Variants in RBFOX2 observed in about 807,000 individuals in gnomAD.
RBFOX2 encodes the protein RNA binding fox-1 homolog 2, also known as RNA binding protein fox-1 homolog 2.
In RBFOX2, 10 loss-of-function variants were observed where a neutral mutation model predicts 49.1. That is an observed-to-expected ratio of 0.20 (90% CI 0.13 to 0.35). RBFOX2 has a LOEUF of 0.35. Ranked by LOEUF, RBFOX2 falls within the 10% of genes least tolerant of loss-of-function variation. The probability of loss-of-function intolerance (pLI) is 1.00; values close to 1 mark genes in which losing one functional copy is unlikely to be tolerated. For synonymous variants in RBFOX2, 183 were observed against 187.4 expected, an observed-to-expected ratio of 0.98 and a Z score of 0.19; for missense variants, 323 against 486.9, an observed-to-expected ratio of 0.66 and a Z score of 3.17.
chr22:35,790,957 A>G (rs1947472198), intron 2 of RBFOX2, among the ~76,000 whole-genome samples: 1 of 152,042 alleles, frequency 6.6e-6, no homozygotes, highest in Non-Finnish European at 1.5e-5. Flanking sequence ...GCAGTGAGCT[A>G]TGATCATATC....
In RBFOX2 at chr22:35,795,007, G is replaced by C. The variant is rs371786524; in HGVS notation, c.253-13261C>G. Among the ~76,000 whole-genome samples, 4 of 152,042 alleles carry C rather than the reference G, an allele frequency of 2.6e-5. No individual in the cohort carries two copies. The East Asian group carries it at 7.7e-4, about 29-fold the overall frequency. ...TGTCTTGAGTCTTATATGATCCAAAGGGCAATTTTCTCTATTCAAAAATAC... is the reference window on the plus strand; with the variant it reads ...TGTCTTGAGTCTTATATGATCCAAACGGCAATTTTCTCTATTCAAAAATAC... On this transcript the variant is annotated intron_variant, in intron 2 of 11. Transcript: ENST00000405409.
chr22:35,942,754 C>T (rs917874683), upstream of RBFOX2, among the ~76,000 whole-genome samples: 8 of 150,526 alleles, frequency 5.3e-5, no homozygotes, highest in African/African-American at 1.5e-4. Flanking sequence ...CTAAATGCAT[C>T]GAAAATATAA....
intron 9 of RBFOX2, among the ~76,000 whole-genome samples, chr22:35,754,354 G>A (rs1936207520): frequency 6.6e-6 from 1 of 152,048 alleles, no homozygotes; most frequent in African/African-American, 2.4e-5. Flanking sequence ...GCCTCCCAAA[G>A]TGCTGGGATT....
intron 1 of RBFOX2, among the ~76,000 whole-genome samples, chr22:35,860,008 C>T (rs992592636): frequency 6.6e-6 from 1 of 152,170 alleles, no homozygotes; most frequent in Admixed American, 6.5e-5. Context: ...TTATCTTATA[C>T]AACAAAACTT....
At chr22:35,960,806 T>C (rs570371506) in intron 1 of RBFOX2, among the ~76,000 whole-genome samples, 1 of 152,134 alleles carries the variant, frequency 6.6e-6, no homozygotes, top group East Asian at 1.9e-4. Flanking sequence ...AAAAATTCAG[T>C]GTTAGGTATT....
intron 1 of RBFOX2, among the ~76,000 whole-genome samples, chr22:35,872,718 C>T (rs1229592419): frequency 6.6e-6 from 1 of 152,214 alleles, no homozygotes; most frequent in East Asian, 1.9e-4. Context: ...GTCCTCCCAC[C>T]ATCCAGCTGC....
intron 1 of RBFOX2, among the ~76,000 whole-genome samples, chr22:35,937,647 A>G (rs1308471604): frequency 6.6e-6 from 1 of 152,142 alleles, no homozygotes; most frequent in Non-Finnish European, 1.5e-5. Context: ...CTGGAATGCA[A>G]TGGTGTAGTC....
intron 1 of RBFOX2, among the ~76,000 whole-genome samples, chr22:35,850,244 C>T (rs1046572807): frequency 6.3e-5 from 9 of 143,726 alleles, no homozygotes; most frequent in African/African-American, 2.3e-4. Flanking sequence ...ACCCTTCTCA[C>T]TGTCTCCGGC....
At chr22:35,841,342 G>A (rs868410303), upstream of RBFOX2, among the ~76,000 whole-genome samples, 1 of 152,066 alleles carries the variant, frequency 6.6e-6, no homozygotes, top group African/African-American at 2.4e-5. Context: ...GGAGAATACT[G>A]ACAATAAGAG....
chr22:35,913,514 T>A (rs557992143), intron 1 of RBFOX2, among the ~76,000 whole-genome samples: 1 of 151,172 alleles, frequency 6.6e-6, no homozygotes, highest in South Asian at 2.1e-4. Flanking sequence ...TGTATACATA[T>A]ATAATTATAT....
At chr22:35,967,390 TAA>T (rs74267838) in intron 1 of RBFOX2, among the ~76,000 whole-genome samples, 1 of 113,560 alleles carries the variant, frequency 8.8e-6, no homozygotes, top group Admixed American at 8.6e-5. Flanking sequence ...AATAAAAAAT[TAA>T]AAAAAAAAAA....
At chr22:35,949,041 A>G (rs1203602629) in intron 1 of RBFOX2, among the ~76,000 whole-genome samples, 3 of 152,136 alleles carry the variant, frequency 2.0e-5, no homozygotes, top group African/African-American at 2.4e-5. Context: ...TACTTTAAGT[A>G]CCTCACGTGA....
At chr22:35,873,637 TTG>T (rs1237916096) in intron 1 of RBFOX2, among the ~76,000 whole-genome samples, 1 of 152,186 alleles carries the variant, frequency 6.6e-6, no homozygotes, top group Non-Finnish European at 1.5e-5. Flanking sequence ...ACTCTGTAGT[TTG>T]TTGTTGATAT....
rs745706842 is a variant in RBFOX2, at chr22:35,970,481, C to CAA, written c.187-31586_187-31585dup. Among the ~76,000 whole-genome samples the CAA allele has an allele frequency of 2.5e-3, 294 of 115,900 alleles. 1 individual carries two copies. The highest frequency in any genetic ancestry group is 8.9e-3 in the African/African-American group (239 of 26,710). 76.0% of individuals were successfully genotyped at this position (115,900 alleles called of 152,430 possible). ...CTGGGCAATACAGTGAGACCCATCT[C>CAA]AAAAAAAAAAAAAACACACACACTC... On this transcript the variant is annotated intron_variant, in intron 1 of 13. Transcript: ENST00000438146.
At chr22:35,849,660 G>A (rs977766293) in intron 1 of RBFOX2, among the ~76,000 whole-genome samples, 9 of 152,134 alleles carry the variant, frequency 5.9e-5, no homozygotes, top group African/African-American at 2.2e-4. Flanking sequence ...TACAAAAAGT[G>A]TCTAAGTTTT....
intron 1 of RBFOX2, among the ~76,000 whole-genome samples, chr22:35,867,210 T>C (rs1313616184): frequency 2.0e-5 from 3 of 152,228 alleles, no homozygotes; most frequent in Non-Finnish European, 4.4e-5. Context: ...TTTCCTGTGA[T>C]TGTGTCACAA....
intron 1 of RBFOX2, among the ~76,000 whole-genome samples, chr22:35,976,341 C>A (rs1456655409): frequency 6.6e-6 from 1 of 152,018 alleles, no homozygotes; most frequent in Admixed American, 6.6e-5. Flanking sequence ...CCACCACCCC[C>A]CCCTCTTAAT....
intron 1 of RBFOX2, among the ~76,000 whole-genome samples, chr22:35,913,532 A>G (rs1236488448): frequency 6.7e-6 from 1 of 148,804 alleles, no homozygotes; most frequent in Non-Finnish European, 1.5e-5. Flanking sequence ...TATCATTATA[A>G]TATGTGTGTA....
At chr22:36,014,695 G>A (rs533400687) in intron 1 of RBFOX2, among the ~76,000 whole-genome samples, 18 of 152,114 alleles carry the variant, frequency 1.2e-4, no homozygotes, top group Non-Finnish European at 2.4e-4. Context: ...AAAGCCTACA[G>A]AGTAACACTT....
Sources: gnomAD v4.1 joint callset for allele counts (sites outside exome capture counted in the v4.1 genomes callset) on GRCh38, gnomAD v4.1.1 for gene constraint, MANE v1.5 for transcripts, NCBI Gene and HGNC (gene_info 2026-07-23, HGNC 2026-07-21) for gene names.